The following C4orf50 variants were observed in gnomAD, a reference collection of about 807,000 sequenced individuals.
C4orf50 encodes the protein chromosome 4 open reading frame 50, also known as uncharacterized protein C4orf50.
In C4orf50, 80 loss-of-function variants were observed where a neutral mutation model predicts 77.2. The observed-to-expected ratio is 1.04, with a 90% CI of 0.87 to 1.25. The LOEUF is 1.25. Ranked by LOEUF, C4orf50 falls within the 50% of genes most tolerant of loss-of-function variation. The pLI is 0.00. For missense variants in C4orf50, 1,257 were observed against 1,152.9 expected (o/e 1.09, Z -1.31); for synonymous variants, 532 against 465.3 (o/e 1.14, Z -1.84).
At chr4:6,004,181 G>A (rs1577991947) in intron 25 of C4orf50, among the ~76,000 whole-genome samples, 1 of 121,286 alleles carries the variant, frequency 8.2e-6, no homozygotes, top group East Asian at 3.4e-4. Context: ...TGGTGATGAT[G>A]GTGATGGTGA....
At chr4:5,977,714 T>A (rs1720364283) in intron 29 of C4orf50, among the ~76,000 whole-genome samples, 1 of 152,228 alleles carries the variant, frequency 6.6e-6, no homozygotes, top group Admixed American at 6.5e-5. Context: ...AGAGTAAAAT[T>A]CCAGCCTTAA....
intron 25 of C4orf50, among the ~76,000 whole-genome samples, chr4:5,998,854 G>A (rs1721709716): frequency 6.6e-6 from 1 of 152,248 alleles, no homozygotes; most frequent in Non-Finnish European, 1.5e-5. Flanking sequence ...CCCATCTGCA[G>A]ATAAACCACG....
intron 33 of C4orf50, among the ~76,000 whole-genome samples, chr4:5,960,942 G>A (rs978369076): frequency 6.6e-6 from 1 of 152,164 alleles, no homozygotes; most frequent in African/African-American, 2.4e-5. Flanking sequence ...GAGGTCAGGA[G>A]TTCGAGACCA....
chr4:5,966,147 C>T (rs1228928226), intron 32 of C4orf50, among the ~76,000 whole-genome samples: 1 of 152,216 alleles, frequency 6.6e-6, no homozygotes, highest in Admixed American at 6.5e-5. Context: ...CAGGAAAATT[C>T]TGTCTGGTCA....
chr4:5,978,037 G>A (rs1461673114), intron 29 of C4orf50, among the ~76,000 whole-genome samples: 2 of 152,052 alleles, frequency 1.3e-5, no homozygotes, highest in East Asian at 1.9e-4. Flanking sequence ...CTTCAAATAC[G>A]ACATACAAAT....
intron 25 of C4orf50, among the ~76,000 whole-genome samples, chr4:6,005,512 G>A (rs1424814500): frequency 1.3e-5 from 2 of 152,142 alleles, no homozygotes; most frequent in Non-Finnish European, 2.9e-5. Flanking sequence ...AACAAACTCC[G>A]ATCCCAGGAT....
chr4:5,992,588 C>G lies in C4orf50; in HGVS notation c.1221+215G>C, dbSNP rs1343435317. ...TCCGTGGAAGCCCAGGCCTGGCACC[C>G]AGTTAACCCCCTTCCTCCCCACCCC... is the stretch of plus-strand genomic sequence containing the variant. On this transcript the variant is annotated intron_variant, in intron 27 of 33. Coordinates refer to ENST00000531445, the Ensembl canonical transcript of C4orf50. The surrounding 1 kb of genome is among the most constrained non-coding windows in gnomAD (Gnocchi z 5.0). 6.6e-6 allele frequency among the ~76,000 whole-genome samples: 1 copy of G among 152,110 alleles called. No individual in the cohort carries two copies. The highest frequency in any genetic ancestry group is 2.4e-5 in the African/African-American group (1 of 41,432).
intron 25 of C4orf50, among the ~76,000 whole-genome samples, chr4:6,004,343 T>G (rs1722117916): frequency 7.8e-6 from 1 of 128,686 alleles, no homozygotes; most frequent in Non-Finnish European, 1.6e-5. Context: ...ATGGTGATGG[T>G]GATGATGACG....
chr4:5,999,606 C>G (rs1283465811), intron 25 of C4orf50, among the ~76,000 whole-genome samples: 5 of 152,132 alleles, frequency 3.3e-5, no homozygotes, highest in African/African-American at 1.2e-4. Flanking sequence ...TCACCGATGC[C>G]TCAAGGCACT....
chr4:5,983,294 C>G lies in C4orf50; in HGVS notation c.3700-2956G>C, dbSNP rs908060120. Among the ~76,000 whole-genome samples, 9 of 152,204 alleles carry G rather than the reference C, an allele frequency of 5.9e-5. No individual in the cohort carries two copies. In the East Asian group the frequency reaches 1.3e-3, roughly 23 times the overall value. Reference sequence around the variant, plus strand: ...CTTCCTACCACATCTAGAAAAGATCCAAACAAGGGCCTGCAAGCCTTCTGC... The same window carrying G: ...CTTCCTACCACATCTAGAAAAGATCGAAACAAGGGCCTGCAAGCCTTCTGC... On this transcript the variant is annotated intron_variant, in intron 28 of 33. Transcript: ENST00000531445.
intron 28 of C4orf50, among the ~76,000 whole-genome samples, chr4:5,986,448 G>GT (rs1720863356): frequency 2.0e-5 from 3 of 151,918 alleles, no homozygotes; most frequent in African/African-American, 7.3e-5. Context: ...GCTATTTTAG[G>GT]TTTTTTGTTG....
chr4:5,898,829 T>C (rs2152479261), intron 7 of C4orf50: 1 of 152,322 alleles, frequency 6.6e-6, no homozygotes, highest in South Asian at 2.1e-4. Flanking sequence ...TGCTGGTGTT[T>C]TCAGAGACAA....
intron 28 of C4orf50, among the ~76,000 whole-genome samples, chr4:5,981,064 T>A (rs1350422765): frequency 2.0e-5 from 3 of 152,334 alleles, no homozygotes; most frequent in South Asian, 4.1e-4. Flanking sequence ...CTTATTTTTT[T>A]AAATAACTCA....
chr4:5,952,253 T>C (rs944524648), downstream of C4orf50, among the ~76,000 whole-genome samples: 10 of 151,992 alleles, frequency 6.6e-5, no homozygotes, highest in Non-Finnish European at 2.9e-5. This position sits in a 1 kb window ranked among gnomAD's most constrained non-coding sequence, Gnocchi z 4.4. Flanking sequence ...AGATGATAGA[T>C]AGATAGATAG....
At chr4:5,989,811 G>A (rs930964720) in exon 28 of C4orf50, 6 of 1,502,992 alleles carry the variant, frequency 4.0e-6, no homozygotes, top group Non-Finnish European at 4.4e-6. Context: ...GCTCCTCGGG[G>A]GCACCCCTGC....
rs1307334809 is a variant in C4orf50, at chr4:6,007,504, C to G, written c.963+492G>C. 6.6e-6 allele frequency among the ~76,000 whole-genome samples: 1 copy of G among 152,092 alleles called. No homozygotes were observed. Among genetic ancestry groups the G allele is most frequent in the South Asian group, 2.1e-4 (1 of 4,824 alleles). ...CTGCTGGTGCCTTGATCTTGGACCT[C>G]CAGCCTCCAAAAGTGTGAAAAATAA... On this transcript the variant is annotated intron_variant, in intron 25 of 33. Coordinates refer to ENST00000531445, the Ensembl canonical transcript of C4orf50. This position sits in a 1 kb window ranked among gnomAD's most constrained non-coding sequence, Gnocchi z 4.1.
At position 5,988,412 on chromosome 4, in the gene C4orf50, C is replaced by A. The variant is rs1050862126; in HGVS notation, c.3634G>T (p.Glu1212Ter). ...GCCACAGAACACCTGGGCCTCTTCT[C>A]CTCTTTCTCCAAATGTGCTTCTTTC... The change falls in exon 28 of 34, where the codon GAG becomes TAG. Residue 1212 changes from glutamate (E) to a stop codon, truncating the protein, a stop_gained. Coordinates refer to ENST00000531445, the Ensembl canonical transcript of C4orf50. LOFTEE classifies it high-confidence loss of function. 5 of 1,609,822 alleles carry A rather than the reference C, an allele frequency of 3.1e-6. No individual in the cohort carries two copies. Among genetic ancestry groups the A allele is most frequent in the Non-Finnish European group, 3.4e-6 (4 of 1,179,328 alleles).
At chr4:5,912,666 A>G (rs1052154799) in intron 7 of C4orf50, among the ~76,000 whole-genome samples, 1 of 152,176 alleles carries the variant, frequency 6.6e-6, no homozygotes, top group Non-Finnish European at 1.5e-5. Flanking sequence ...AGGAAGGGGC[A>G]TGCCACACCA....
At chr4:5,930,934 A>C (rs1169409225) in intron 7 of C4orf50, among the ~76,000 whole-genome samples, 1 of 152,210 alleles carries the variant, frequency 6.6e-6, no homozygotes, top group Non-Finnish European at 1.5e-5. Flanking sequence ...AACGGGATAA[A>C]GAAGGAAAGA....
Sources: allele counts gnomAD v4.1 joint callset (sites outside exome capture counted in the v4.1 genomes callset), GRCh38; gene constraint gnomAD v4.1.1; non-coding constraint Gnocchi (gnomAD v3.1); transcripts MANE v1.5; gene names NCBI Gene and HGNC (gene_info 2026-07-23, HGNC 2026-07-21).